Variants in MARCHF1 observed in about 807,000 individuals in gnomAD.
MARCHF1 encodes the protein membrane associated ring-CH-type finger 1.
Under a neutral mutation model 54.2 loss-of-function variants are expected in MARCHF1, and 40 were observed. That is an observed-to-expected ratio of 0.74 (90% confidence interval 0.57 to 0.96). The LOEUF (loss-of-function observed/expected upper bound fraction) is 0.96, where lower values mean the gene tolerates loss of function less well. Among genes scored for constraint, MARCHF1 ranks in the 40% least tolerant of loss-of-function variants. The probability of loss-of-function intolerance (pLI) is 0.00; values close to 1 mark genes in which losing one functional copy is unlikely to be tolerated. For missense variants in MARCHF1, 586 were observed against 656.5 expected (o/e 0.89, Z 1.17); for synonymous variants, 236 against 236.3 (o/e 1.00, Z 0.01).
At chr4:163,848,913 C>T (rs1749566921) in intron 4 of MARCHF1, among the ~76,000 whole-genome samples, 3 of 152,062 alleles carry the variant, frequency 2.0e-5, no homozygotes, top group South Asian at 4.1e-4. Context: ...ATGGAGAATT[C>T]TATACATAAA....
chr4:164,118,589 C>T (rs1354829150), intron 1 of MARCHF1, among the ~76,000 whole-genome samples: 2 of 151,172 alleles, frequency 1.3e-5, no homozygotes, highest in African/African-American at 2.4e-5. Flanking sequence ...TATATGATAT[C>T]AGTCAGATAA....
chr4:163,955,545 CATGTCT>C (rs1752215884), intron 3 of MARCHF1, among the ~76,000 whole-genome samples: 1 of 152,064 alleles, frequency 6.6e-6, no homozygotes, highest in Non-Finnish European at 1.5e-5. Context: ...CTGTGCTTCT[CATGTCT>C]GTGCCCCTGC....
chr4:164,089,436 A>G (rs1755255136), intron 2 of MARCHF1, among the ~76,000 whole-genome samples: 1 of 152,116 alleles, frequency 6.6e-6, no homozygotes, highest in Admixed American at 6.6e-5. Flanking sequence ...TTCCCTCAAA[A>G]CAGAAACAAA....
rs1741389941 is a variant in MARCHF1, at chr4:163,612,858, A to G, written c.423T>C (p.Asn141=). The G allele has an allele frequency of 2.6e-6, 4 of 1,535,276 alleles. No individual in the cohort carries two copies. The East Asian group carries it at 9.8e-5, about 38-fold the overall frequency. ...AAEEQIRGRK[N]DFHLQISSPR... is the part of the protein sequence containing the mutation. Reference sequence around the variant, plus strand: ...GGCTTGAGATTTGAAGGTGAAAGTCATTTTTTCTCCCTCTTATTTGTTCTT... The same window carrying G: ...GGCTTGAGATTTGAAGGTGAAAGTCGTTTTTTCTCCCTCTTATTTGTTCTT... Residue 141 remains asparagine (N), a synonymous_variant, in exon 7 of 10, where the codon AAT becomes AAC. Coordinates refer to ENST00000514618, the MANE Select transcript of MARCHF1 (RefSeq NM_001394959.1).
chr4:164,242,867 A>C (rs1294682714), intron 1 of MARCHF1, among the ~76,000 whole-genome samples: 1 of 150,280 alleles, frequency 6.7e-6, no homozygotes, highest in African/African-American at 2.5e-5. Context: ...CAACTGGAAG[A>C]AAGGGTATCA....
intron 3 of MARCHF1, among the ~76,000 whole-genome samples, chr4:163,894,732 CAT>C (rs1273562638): frequency 3.9e-5 from 1 of 25,416 alleles, no homozygotes; most frequent in African/African-American, 1.3e-4. Flanking sequence ...GCATGTGATG[CAT>C]ATATATATGC....
At chr4:163,689,807 A>G (rs1744387268) in intron 5 of MARCHF1, among the ~76,000 whole-genome samples, 1 of 152,236 alleles carries the variant, frequency 6.6e-6, no homozygotes. Context: ...GATATCCTAA[A>G]TTCATGTCAT....
At chr4:164,036,173 AG>A (rs1753997583) in intron 2 of MARCHF1, among the ~76,000 whole-genome samples, 1 of 151,942 alleles carries the variant, frequency 6.6e-6, no homozygotes, top group Non-Finnish European at 1.5e-5. Flanking sequence ...AGGAGTTGCT[AG>A]AAATGGGTGT....
intron 1 of MARCHF1, among the ~76,000 whole-genome samples, chr4:164,247,761 G>C (rs1732998576): frequency 1.3e-5 from 2 of 150,192 alleles, no homozygotes; most frequent in South Asian, 4.3e-4. Context: ...AGGTAACTGA[G>C]ATCTTATCCA....
chr4:163,905,176 T>C (rs1446219828), intron 3 of MARCHF1, among the ~76,000 whole-genome samples: 1 of 152,010 alleles, frequency 6.6e-6, no homozygotes, highest in East Asian at 1.9e-4. Context: ...ATGAAGAAAT[T>C]GGGGCATAAT....
In MARCHF1 at chr4:163,742,400, T is replaced by TCGCTACC. The variant is rs1284344362; in HGVS notation, c.112-41538_112-41537insGGTAGCG. 5.7e-3 allele frequency among the ~76,000 whole-genome samples: 445 copies of TCGCTACC among 77,512 alleles called. 1 individual carries two copies. Among genetic ancestry groups the TCGCTACC allele is most frequent in the African/African-American group, 0.026 (425 of 16,170 alleles). The allele number at this position is 77,512 out of a possible 152,430, so 50.9% of individuals were successfully genotyped here. A position where few individuals can be genotyped will look rare whatever the true frequency, so the allele number is the denominator to read the frequency against. On this transcript the variant is annotated intron_variant, in intron 4 of 9. Coordinates refer to ENST00000514618, the MANE Select transcript of MARCHF1 (RefSeq NM_001394959.1). ...CCTCGCTACCTCCTTCCTTCCTCCC[T>TCGCTACC]TCCTTCCTTCCTTCCTTCCTTCCTT...
intron 5 of MARCHF1, among the ~76,000 whole-genome samples, chr4:163,645,090 G>A (rs1299767572): frequency 1.3e-5 from 2 of 152,140 alleles, no homozygotes; most frequent in African/African-American, 4.8e-5. Context: ...CCTGGAGGAA[G>A]CCACATTTAT....
At chr4:164,171,001 T>C (rs964875692) in intron 1 of MARCHF1, among the ~76,000 whole-genome samples, 3 of 152,174 alleles carry the variant, frequency 2.0e-5, no homozygotes, top group South Asian at 2.1e-4. Context: ...TAATTAGTTA[T>C]TGTTGGTTAC....
intron 1 of MARCHF1, among the ~76,000 whole-genome samples, chr4:164,136,272 G>GGAA (rs1553985321): frequency 4.7e-4 from 57 of 121,510 alleles, no homozygotes; most frequent in African/African-American, 1.8e-3. Context: ...AGTTGAAGTG[G>GGAA]AAAAAAAAAA....
intron 5 of MARCHF1, among the ~76,000 whole-genome samples, chr4:163,655,894 T>G (rs1743121713): frequency 6.6e-6 from 1 of 151,746 alleles, no homozygotes; most frequent in Non-Finnish European, 1.5e-5. Flanking sequence ...ATCTCTGGAA[T>G]GCAGCTAAAG....
intron 5 of MARCHF1, among the ~76,000 whole-genome samples, chr4:163,638,085 A>T (rs1379504820): frequency 9.1e-6 from 1 of 109,574 alleles, no homozygotes; most frequent in East Asian, 2.9e-4. Flanking sequence ...CACTCTGGGG[A>T]CTGTTGTGGG....
intron 1 of MARCHF1, among the ~76,000 whole-genome samples, chr4:164,331,710 T>C (rs868301191): frequency 3.9e-4 from 59 of 152,330 alleles, no homozygotes; most frequent in African/African-American, 1.3e-3. Context: ...TCTACATATC[T>C]ATAATAATTC....
At chr4:164,268,626 C>T (rs2111300856) in intron 1 of MARCHF1, among the ~76,000 whole-genome samples, 1 of 152,218 alleles carries the variant, frequency 6.6e-6, no homozygotes, top group Non-Finnish European at 1.5e-5. Flanking sequence ...TCACCAAGCT[C>T]TTCCAATAAT....
chr4:164,007,644 CTCTGTGTGTGTGTGTG>C lies in MARCHF1; in HGVS notation c.-247-18951_-247-18936del, dbSNP rs1262357545. On this transcript the variant is annotated intron_variant, in intron 2 of 9. Transcript: ENST00000514618. ...GTAGAATTTATTTCTCTCTCTCTCT[CTCTGTGTGTGTGTGTG>C]TGTGTGTGTGTGTGTGTGTGTGTGT... Among the ~76,000 whole-genome samples, 401 of 101,672 alleles carry C rather than the reference CTCTGTGTGTGTGTGTG, an allele frequency of 3.9e-3. 2 individuals carry two copies. Among genetic ancestry groups the C allele is most frequent in the African/African-American group, 0.014 (370 of 25,618 alleles). 66.7% of individuals were successfully genotyped at this position (101,672 alleles called of 152,430 possible). A position where few individuals can be genotyped will look rare whatever the true frequency, so the allele number is the denominator to read the frequency against.
Sources: allele counts gnomAD v4.1 joint callset (sites outside exome capture counted in the v4.1 genomes callset), GRCh38; gene constraint gnomAD v4.1.1; transcripts MANE v1.5; gene names NCBI Gene and HGNC (gene_info 2026-07-23, HGNC 2026-07-21).